The following SLC19A1 variants were observed in gnomAD, a reference collection of about 807,000 sequenced individuals.
SLC19A1 encodes the protein reduced folate transporter.
Under a neutral mutation model 35.3 loss-of-function variants are expected in SLC19A1, and 37 were observed. The observed-to-expected ratio is 1.05, with a 90% confidence interval of 0.81 to 1.38. SLC19A1 has a LOEUF of 1.38. Ranked by LOEUF, SLC19A1 falls within the 40% of genes most tolerant of loss-of-function variation. The probability of loss-of-function intolerance (pLI) is 0.00; values close to 1 mark genes in which losing one functional copy is unlikely to be tolerated. For missense variants in SLC19A1, 831 were observed against 826.9 expected, an observed-to-expected ratio of 1.00 and a Z score of -0.06; for synonymous variants, 460 against 398.5, an observed-to-expected ratio of 1.15 and a Z score of -1.84.
At chr21:45,549,856 T>C (rs1429830226) in intron 1 of SLC19A1, among the ~76,000 whole-genome samples, 2 of 151,606 alleles carry the variant, frequency 1.3e-5, no homozygotes, top group Non-Finnish European at 1.5e-5. Flanking sequence ...ACTGTGGCTC[T>C]TGGTTGCAGA....
Position 45,512,675 on chromosome 21 carries a change from T to C in SLC19A1, c.*2983A>G, listed in dbSNP as rs17004784. ...TCAGGCAGGGTGCAGTATCATGCCC[T>C]GTGCAACCTCTTGGCCTGATCAGAC... On this transcript the variant is annotated 3_prime_UTR_variant, in exon 6 of 6. Coordinates refer to ENST00000311124, the MANE Select transcript of SLC19A1 (RefSeq NM_194255.4). The C allele has an allele frequency of 0.015, 8,058 of 523,560 alleles. 391 individuals are homozygous for C. The highest frequency in any genetic ancestry group is 0.12 in the African/African-American group (6,039 of 52,268). The allele number at this position is 523,560 out of a possible 1,614,324, so 32.4% of individuals were successfully genotyped here. A position where few individuals can be genotyped will look rare whatever the true frequency, so the allele number is the denominator to read the frequency against.
intron 1 of SLC19A1, among the ~76,000 whole-genome samples, chr21:45,550,079 G>A (rs1489229920): frequency 6.6e-6 from 1 of 152,104 alleles, no homozygotes; most frequent in African/African-American, 2.4e-5. Context: ...AAAGTGGACA[G>A]TGGGGGTCAG....
At chr21:45,544,733 G>C (rs1020933529), upstream of SLC19A1, among the ~76,000 whole-genome samples, 11 of 152,102 alleles carry the variant, frequency 7.2e-5, no homozygotes, top group African/African-American at 2.7e-4. Flanking sequence ...GGGGCTGCAG[G>C]CCGCAGAGAC....
At chr21:45,527,513 T>C (rs1255780499) in intron 4 of SLC19A1, among the ~76,000 whole-genome samples, 2 of 110,728 alleles carry the variant, frequency 1.8e-5, no homozygotes, top group African/African-American at 3.7e-5. Context: ...TGGAGGTGAG[T>C]GGCAGCCGGG....
rs770800559 is a variant in SLC19A1 at position 45,534,817 on chromosome 21, C to A, written c.190-2669G>T. On this transcript the variant is annotated intron_variant, in intron 2 of 5. Transcript: ENST00000311124. The surrounding 1 kb of genome is among the most constrained non-coding windows in gnomAD (Gnocchi z 4.2). ...CTGGGGGAGGGGCCCTCACAACGGT[C>A]CCAGCAGGGAGGTGGCATCTGTCAG... is the stretch of plus-strand genomic sequence containing the variant. 15 of 578,232 alleles carry A rather than the reference C, an allele frequency of 2.6e-5. No individual in the cohort carries two copies. Among genetic ancestry groups the A allele is most frequent in the Admixed American group, 1.8e-4 (6 of 32,598 alleles). The allele number at this position is 578,232 out of a possible 1,614,324, so 35.8% of individuals were successfully genotyped here. A position where few individuals can be genotyped will look rare whatever the true frequency, so the allele number is the denominator to read the frequency against.
intron 2 of SLC19A1, chr21:45,536,249 C>T (rs1156307381): frequency 6.4e-6 from 1 of 155,048 alleles, no homozygotes; most frequent in African/African-American, 2.4e-5. Flanking sequence ...CATGAGAGGG[C>T]AGGCAGATGG....
chr21:45,505,367 T>C, intron 3 of SLC19A1: 1 of 1,593,242 alleles, frequency 6.3e-7, no homozygotes, highest in Non-Finnish European at 8.6e-7. Context: ...GCTATCAGCG[T>C]TCCCGGCCCT....
intron 3 of SLC19A1, chr21:45,505,397 C>A: frequency 6.3e-7 from 1 of 1,583,416 alleles, no homozygotes. Flanking sequence ...CCTGGGCCCC[C>A]TGGGCCCCCT....
chr21:45,503,894 C>G (rs1199902864), intron 3 of SLC19A1: 1 of 1,022,074 alleles, frequency 9.8e-7, no homozygotes. Context: ...TACGCGATCT[C>G]TACCGCGAAA....
chr21:45,540,845 C>T lies in SLC19A1; in HGVS notation c.-50+1523G>A, dbSNP rs1179890197. Among the ~76,000 whole-genome samples, 2 of 152,222 alleles carry T rather than the reference C, an allele frequency of 1.3e-5. No individual in the cohort carries two copies. Among genetic ancestry groups the T allele is most frequent in the Non-Finnish European group, 2.9e-5 (2 of 68,032 alleles). On this transcript the variant is annotated intron_variant, in intron 1 of 5. Coordinates refer to ENST00000311124, the MANE Select transcript of SLC19A1 (RefSeq NM_194255.4). The surrounding 1 kb of genome is among the most constrained non-coding windows in gnomAD (Gnocchi z 5.5). ...AACAGCCCCTGCAAATCCCCGGCCC[C>T]ACTGTCCACAGTGACCAGCCCCACC...
chr21:45,546,469 C>T (rs554833838), upstream of SLC19A1, among the ~76,000 whole-genome samples: 2 of 152,356 alleles, frequency 1.3e-5, no homozygotes, highest in African/African-American at 2.4e-5. Flanking sequence ...CCCCGGACAG[C>T]GGCCCTAGCA....
chr21:45,537,167 G>A (rs1357965421), intron 2 of SLC19A1, among the ~76,000 whole-genome samples: 2 of 152,186 alleles, frequency 1.3e-5, no homozygotes, highest in African/African-American at 4.8e-5. Context: ...ACGGCCTGGC[G>A]GGTGGGGTGG....
chr21:45,525,254 G>A (rs1299979096), intron 5 of SLC19A1, among the ~76,000 whole-genome samples: 1 of 152,248 alleles, frequency 6.6e-6, no homozygotes, highest in Non-Finnish European at 1.5e-5. Context: ...CAGTCCTGAG[G>A]AGCCTGGAAG....
chr21:45,505,799 C>T (rs1323532063), intron 3 of SLC19A1: 1 of 1,486,594 alleles, frequency 6.7e-7, no homozygotes, highest in Non-Finnish European at 9.2e-7. Flanking sequence ...CCCCCGCCCT[C>T]CCCGCCAAGC....
intron 3 of SLC19A1, among the ~76,000 whole-genome samples, chr21:45,503,648 A>C (rs1477953810): frequency 1.8e-5 from 1 of 56,318 alleles, no homozygotes; most frequent in Non-Finnish European, 3.2e-5. Context: ...GGGTGGGGGG[A>C]GGGGGGAGGG....
downstream of SLC19A1, among the ~76,000 whole-genome samples, chr21:45,511,557 A>G (rs148325700): frequency 7.6e-4 from 116 of 152,246 alleles, no homozygotes; most frequent in Non-Finnish European, 1.3e-3. Context: ...ATTCACCGAG[A>G]ATAAACTCCT....
chr21:45,533,834 C>T lies in SLC19A1; in HGVS notation c.190-1686G>A, dbSNP rs1474888130. On this transcript the variant is annotated intron_variant, in intron 2 of 5. Transcript: ENST00000311124. This position sits in a 1 kb window ranked among gnomAD's most constrained non-coding sequence, Gnocchi z 4.5. ...CTCTCAGCCTCGTGTCTGGCACACC[C>T]AAGATGTGTGGCCCGATGTGCTCAG... 6.6e-6 allele frequency among the ~76,000 whole-genome samples: 1 copy of T among 152,188 alleles called. No homozygotes were observed. Among genetic ancestry groups the T allele is most frequent in the East Asian group, 1.9e-4 (1 of 5,186 alleles).
rs2078040039 is a variant in SLC19A1 at position 45,534,444 on chromosome 21, G to C, written c.190-2296C>G. 9.8e-7 allele frequency: 1 copy of C among 1,022,308 alleles called. No individual in the cohort carries two copies. The highest frequency in any genetic ancestry group is 1.5e-6 in the Non-Finnish European group (1 of 689,248). The allele number at this position is 1,022,308 out of a possible 1,614,324, so 63.3% of individuals were successfully genotyped here. A position where few individuals can be genotyped will look rare whatever the true frequency, so the allele number is the denominator to read the frequency against. ...GGGCACAGGTTCTGCCCACAGCCCAGAGTCAAAATGGTAGACAGCCAGCAG... is the reference window on the plus strand; with the variant it reads ...GGGCACAGGTTCTGCCCACAGCCCACAGTCAAAATGGTAGACAGCCAGCAG... On this transcript the variant is annotated intron_variant, in intron 2 of 5. Coordinates refer to ENST00000311124, the MANE Select transcript of SLC19A1 (RefSeq NM_194255.4). This position sits in a 1 kb window ranked among gnomAD's most constrained non-coding sequence, Gnocchi z 4.2.
intron 1 of SLC19A1, among the ~76,000 whole-genome samples, chr21:45,550,618 A>T (rs912153809): frequency 3.9e-5 from 6 of 152,212 alleles, no homozygotes; most frequent in Admixed American, 2.6e-4. Context: ...GGATCACAGC[A>T]GCCCCGCCGG....
Sources: allele counts gnomAD v4.1 joint callset (sites outside exome capture counted in the v4.1 genomes callset), GRCh38; gene constraint gnomAD v4.1.1; non-coding constraint Gnocchi (gnomAD v3.1); transcripts MANE v1.5; gene names NCBI Gene and HGNC (gene_info 2026-07-23, HGNC 2026-07-21).